ITPR1: variants seen among roughly 807,000 people sequenced by gnomAD.
The protein encoded by ITPR1 is inositol 1,4,5-trisphosphate receptor type 1.
In ITPR1, 96 loss-of-function variants were observed where a neutral mutation model predicts 318.4. That is an observed-to-expected ratio of 0.30 (90% CI 0.26 to 0.36). The LOEUF (loss-of-function observed/expected upper bound fraction) is 0.36. Ranked by LOEUF, ITPR1 falls within the 10% of genes least tolerant of loss-of-function variation. The probability of loss-of-function intolerance (pLI) is 1.00; values close to 1 mark genes in which losing one functional copy is unlikely to be tolerated. For missense variants in ITPR1, 2,440 were observed against 3,460.2 expected (o/e 0.71, Z 7.40); for synonymous variants, 1,312 against 1,289.9 (o/e 1.02, Z -0.37).
intron 40 of ITPR1, among the ~76,000 whole-genome samples, chr3:4,719,028 T>C (rs943513687): frequency 2.6e-5 from 4 of 152,240 alleles, no homozygotes; most frequent in Non-Finnish European, 4.4e-5. Context: ...TGTGGTGTTA[T>C]TAATACACTG....
rs80135427 is a variant in ITPR1 at position 4,808,171 on chromosome 3, C to T, written c.7272+1904C>T. ...GTCAGGAGCACATTACAGGGACAGCCGTTTTGTGAGTGGTCACCCTGCACT... is the reference window on the plus strand; with the variant it reads ...GTCAGGAGCACATTACAGGGACAGCTGTTTTGTGAGTGGTCACCCTGCACT... On this transcript the variant is annotated intron_variant, in intron 55 of 61. Coordinates refer to ENST00000649015, the MANE Select transcript of ITPR1 (RefSeq NM_001378452.1). Among the ~76,000 whole-genome samples the T allele has an allele frequency of 6.5e-3, 994 of 152,318 alleles. 12 individuals are homozygous for T. The highest frequency in any genetic ancestry group is 0.022 in the African/African-American group (914 of 41,568).
chr3:4,792,886 T>C (rs1478388102), intron 52 of ITPR1, among the ~76,000 whole-genome samples: 2 of 152,120 alleles, frequency 1.3e-5, no homozygotes, highest in African/African-American at 4.8e-5. Flanking sequence ...GATCAAATAA[T>C]TCATGAACAT....
chr3:4,554,274 C>A (rs1160793194), intron 4 of ITPR1, among the ~76,000 whole-genome samples: 1 of 152,132 alleles, frequency 6.6e-6, no homozygotes, highest in Non-Finnish European at 1.5e-5. Flanking sequence ...GTGAGCTTAG[C>A]AGTGTATCAT....
At position 4,706,273 on chromosome 3, in the gene ITPR1, C is replaced by T; in HGVS notation, c.4764C>T (p.Leu1588=). The T allele has an allele frequency of 2.5e-6, 4 of 1,614,052 alleles. No homozygotes were observed. Among genetic ancestry groups the T allele is most frequent in the Non-Finnish European group, 3.4e-6 (4 of 1,179,890 alleles). ...IVQKTAMNWR[L]SARNAARRDS... ...AGAAAACAGCCATGAACTGGCGGCT[C>T]TCAGCCCGCAATGCCGCACGCAGGG... The change falls in exon 37 of 62, where the codon CTC becomes CTT. Residue 1588 remains leucine (L), a synonymous_variant. Transcript: ENST00000649015.
At chr3:4,658,734 G>T (rs767698953) in intron 13 of ITPR1, among the ~76,000 whole-genome samples, 33 of 151,992 alleles carry the variant, frequency 2.2e-4, no homozygotes, top group Non-Finnish European at 4.7e-4. Flanking sequence ...CATTCAACCA[G>T]AAATCTTTAG....
In ITPR1 at chr3:4,521,101, T is replaced by C. The variant is rs1232373088; in HGVS notation, c.163+7T>C. On this transcript the variant is annotated splice_region_variant and intron_variant, in intron 4 of 61. Transcript: ENST00000649015. Reference sequence around the variant, plus strand: ...CCACCTAAGAAATTCAGAGGTAAGGTGGTGGCTTTCCTGGAGTAGTCACCT... The same window carrying C: ...CCACCTAAGAAATTCAGAGGTAAGGCGGTGGCTTTCCTGGAGTAGTCACCT... 6 of 1,607,822 alleles carry C rather than the reference T, an allele frequency of 3.7e-6. No homozygotes were observed. Among genetic ancestry groups the C allele is most frequent in the Non-Finnish European group, 4.3e-6 (5 of 1,174,572 alleles).
intron 8 of ITPR1, among the ~76,000 whole-genome samples, chr3:4,644,872 G>A (rs55651718): frequency 4.6e-5 from 7 of 152,212 alleles, no homozygotes; most frequent in South Asian, 2.1e-4. Context: ...GGCGGCGGTC[G>A]GACCTATTTT....
Position 4,768,508 on chromosome 3 carries a change from T to A in ITPR1, c.5726-3T>A, listed in dbSNP as rs2045963977. 6.2e-7 allele frequency: 1 copy of A among 1,600,454 alleles called. No homozygotes were observed. The highest frequency in any genetic ancestry group is 1.3e-5 in the African/African-American group (1 of 74,422). On this transcript the variant is annotated splice_polypyrimidine_tract_variant and splice_region_variant and intron_variant, in intron 45 of 61. Transcript: ENST00000649015. ...CCTTTCATGCCTTATGCTTGCTTTC[T>A]AGCTAAAGAGCCCACAACACAGATA...
At chr3:4,816,931 G>C (rs535881434) in intron 59 of ITPR1, among the ~76,000 whole-genome samples, 21 of 152,068 alleles carry the variant, frequency 1.4e-4, no homozygotes, top group Non-Finnish European at 2.6e-4. Context: ...TTGTAAGAAA[G>C]AATTTTTTCT....
chr3:4,732,549 A>C (rs970093917), intron 42 of ITPR1, among the ~76,000 whole-genome samples: 4 of 151,948 alleles, frequency 2.6e-5, no homozygotes, highest in African/African-American at 9.7e-5. Context: ...TAGCATTATG[A>C]GGTTTTTGTT....
intron 60 of ITPR1, among the ~76,000 whole-genome samples, chr3:4,819,926 C>T (rs761135683): frequency 6.6e-6 from 1 of 152,164 alleles, no homozygotes; most frequent in African/African-American, 2.4e-5. Flanking sequence ...TTCCTAGGAA[C>T]AGTTCAGAAG....
At chr3:4,675,801 C>G (rs931142694) in intron 23 of ITPR1, among the ~76,000 whole-genome samples, 1 of 152,142 alleles carries the variant, frequency 6.6e-6, no homozygotes, top group African/African-American at 2.4e-5. Flanking sequence ...TTATTGTTAA[C>G]TGGTCTTCTG....
In ITPR1 at chr3:4,578,250, A is replaced by G. The variant is rs77464941; in HGVS notation, c.164-49513A>G. Among the ~76,000 whole-genome samples the G allele has an allele frequency of 6.0e-3, 912 of 152,324 alleles. 9 individuals are homozygous for G. Among genetic ancestry groups the G allele is most frequent in the African/African-American group, 0.021 (870 of 41,566 alleles). On this transcript the variant is annotated intron_variant, in intron 4 of 61. Transcript: ENST00000649015. ...TAAAAACTAAATTATGTAAGATTCT[A>G]TAGAAAACATTTTTTTTCTGCCACT...
In ITPR1 at chr3:4,653,894, T is replaced by C; in HGVS notation, c.996+8T>C. On this transcript the variant is annotated splice_region_variant and intron_variant, in intron 12 of 61. Coordinates refer to ENST00000649015, the MANE Select transcript of ITPR1 (RefSeq NM_001378452.1). ...CTGGAGTTTCAGCCCTCAGTAAGTA[T>C]GGACAAGAGCCTTCTTGTCTTCATC... 6.2e-7 allele frequency: 1 copy of C among 1,602,504 alleles called. No individual in the cohort carries two copies. The highest frequency in any genetic ancestry group is 8.5e-7 in the Non-Finnish European group (1 of 1,170,720).
chr3:4,767,929 A>G (rs773591589), intron 45 of ITPR1, among the ~76,000 whole-genome samples: 1 of 152,192 alleles, frequency 6.6e-6, no homozygotes, highest in Non-Finnish European at 1.5e-5. Flanking sequence ...GATGGTAATT[A>G]AGTCATTACG....
At chr3:4,531,360 C>G (rs1049314017) in intron 4 of ITPR1, among the ~76,000 whole-genome samples, 1 of 152,154 alleles carries the variant, frequency 6.6e-6, no homozygotes, top group Admixed American at 6.5e-5. Flanking sequence ...ACATTTCTCA[C>G]CAAAGTTGCT....
At chr3:4,650,654 T>C (rs2093576990) in intron 10 of ITPR1, among the ~76,000 whole-genome samples, 1 of 142,638 alleles carries the variant, frequency 7.0e-6, no homozygotes, top group African/African-American at 2.6e-5. Flanking sequence ...TGCGCGCGTC[T>C]GTCTGTGTCT....
intron 42 of ITPR1, among the ~76,000 whole-genome samples, chr3:4,730,814 C>T (rs1044929051): frequency 6.6e-6 from 1 of 152,192 alleles, no homozygotes. Context: ...GTTGACTGGT[C>T]ACAACCATAC....
In ITPR1 at chr3:4,620,078, G is replaced by T. The variant is rs114464551; in HGVS notation, c.164-7685G>T. 5.4e-3 allele frequency among the ~76,000 whole-genome samples: 825 copies of T among 152,140 alleles called. 8 individuals are homozygous for T. Among genetic ancestry groups the T allele is most frequent in the African/African-American group, 0.019 (799 of 41,474 alleles). ...AAAAGGTAAAAACCACTCTGAGTTT[G>T]TGAGTCATACAAAAATGGTCTGCAG... is the stretch of plus-strand genomic sequence containing the variant. On this transcript the variant is annotated intron_variant, in intron 4 of 61. Transcript: ENST00000649015.
Sources: allele counts gnomAD v4.1 joint callset (sites outside exome capture counted in the v4.1 genomes callset), GRCh38; gene constraint gnomAD v4.1.1; transcripts MANE v1.5; gene names NCBI Gene and HGNC (gene_info 2026-07-23, HGNC 2026-07-21).